The following DOK6 variants were observed in gnomAD, a reference collection of about 807,000 sequenced individuals.
DOK6 encodes the protein docking protein 6, also known as downstream of tyrosine kinase 6.
A neutral mutation model predicts 44.0 loss-of-function variants in DOK6; 22 were observed. The ratio of observed to expected loss-of-function variants is 0.50; its 90% CI spans 0.36 to 0.71. DOK6 has a LOEUF of 0.71. DOK6 is among the 30% of genes least tolerant of loss of function. DOK6 has a pLI of 0.00. For synonymous variants in DOK6, 166 were observed against 145.5 expected (o/e 1.14, Z -1.01); for missense variants, 340 against 416.4 (o/e 0.82, Z 1.60).
At chr18:69,419,495 A>G (rs913621344) in intron 1 of DOK6, among the ~76,000 whole-genome samples, 2 of 152,180 alleles carry the variant, frequency 1.3e-5, no homozygotes, top group African/African-American at 4.8e-5. Context: ...TAGCACCTAA[A>G]GAAATAGCAC....
chr18:69,517,651 C>T (rs751030717), intron 1 of DOK6, among the ~76,000 whole-genome samples: 5 of 150,036 alleles, frequency 3.3e-5, no homozygotes, highest in African/African-American at 7.3e-5. Flanking sequence ...GACCCTGTCT[C>T]TAATTCTTAG....
chr18:69,567,935 C>T (rs1226422425), intron 2 of DOK6, among the ~76,000 whole-genome samples: 1 of 152,228 alleles, frequency 6.6e-6, no homozygotes, highest in African/African-American at 2.4e-5. Context: ...GCTGCTGTGG[C>T]TCCTGCCGCT....
intron 7 of DOK6, among the ~76,000 whole-genome samples, chr18:69,762,293 A>C (rs1979585952): frequency 6.6e-6 from 1 of 152,190 alleles, no homozygotes; most frequent in African/African-American, 2.4e-5. Flanking sequence ...GTGAGCCATG[A>C]TCACACCACT....
At chr18:69,438,289 G>A (rs1466023237) in intron 1 of DOK6, among the ~76,000 whole-genome samples, 1 of 152,182 alleles carries the variant, frequency 6.6e-6, no homozygotes, top group South Asian at 2.1e-4. Flanking sequence ...TGCCAACCAT[G>A]TTCACAGCAT....
chr18:69,635,323 C>T (rs1984780603), intron 3 of DOK6, among the ~76,000 whole-genome samples: 1 of 152,058 alleles, frequency 6.6e-6, no homozygotes, highest in Admixed American at 6.6e-5. Flanking sequence ...AGTTTTGTGG[C>T]ATTTTACAAG....
At chr18:69,742,005 CT>C (rs763483088) in intron 6 of DOK6, among the ~76,000 whole-genome samples, 5 of 152,144 alleles carry the variant, frequency 3.3e-5, no homozygotes, top group Non-Finnish European at 7.3e-5. Flanking sequence ...TTATTTTGCC[CT>C]TGTTTATAAC....
At chr18:69,756,656 C>G (rs1979365107) in intron 6 of DOK6, among the ~76,000 whole-genome samples, 1 of 152,164 alleles carries the variant, frequency 6.6e-6, no homozygotes, top group Non-Finnish European at 1.5e-5. Context: ...CTGATAGCAT[C>G]TTCTATGAAG....
rs557078194 is a variant in DOK6 at position 69,519,606 on chromosome 18, A to G, written c.67-44881A>G. ...TTCCATAATTATTAGAAACATATAA[A>G]TACAATCAACCTGGAAGAATATACT... On this transcript the variant is annotated intron_variant, in intron 1 of 7. Transcript: ENST00000382713. 3.9e-5 allele frequency among the ~76,000 whole-genome samples: 6 copies of G among 152,088 alleles called. No individual in the cohort carries two copies. The South Asian group carries it at 1.2e-3, about 31-fold the overall frequency.
At chr18:69,673,910 C>T (rs1042203347) in intron 3 of DOK6, among the ~76,000 whole-genome samples, 2 of 152,152 alleles carry the variant, frequency 1.3e-5, no homozygotes, top group African/African-American at 4.8e-5. Context: ...TAATTATTTA[C>T]ACATTATGTG....
intron 1 of DOK6, among the ~76,000 whole-genome samples, chr18:69,495,128 T>A (rs1470990113): frequency 6.6e-6 from 1 of 152,216 alleles, no homozygotes; most frequent in Non-Finnish European, 1.5e-5. Context: ...TGGACCAGGT[T>A]CACCACAGGC....
At chr18:69,429,616 G>GATAT (rs1978740354) in intron 1 of DOK6, among the ~76,000 whole-genome samples, 5 of 78,156 alleles carry the variant, frequency 6.4e-5, no homozygotes, top group Admixed American at 1.3e-4. Flanking sequence ...AATATTGAGG[G>GATAT]ATACATATAT....
intron 7 of DOK6, among the ~76,000 whole-genome samples, chr18:69,839,159 C>T (rs1380377973): frequency 6.7e-6 from 1 of 148,286 alleles, no homozygotes; most frequent in Non-Finnish European, 1.5e-5. Context: ...CTCTTCCCCA[C>T]TCTCCCTAAC....
At chr18:69,416,182 GAAGGAAGGAAC>G (rs1313246723) in intron 1 of DOK6, among the ~76,000 whole-genome samples, 12 of 2,414 alleles carry the variant, frequency 5.0e-3, no homozygotes, top group Admixed American at 8.9e-3. Context: ...AGGAAGGAAC[GAAGGAAGGAAC>G]GAAGGAAGGA....
Position 69,773,827 on chromosome 18 carries a change from A to G in DOK6, c.856+15954A>G, listed in dbSNP as rs183403373. ...AAGACTCTTGGTGGGAATGTAAACT[A>G]ATACAACCACTATGGAAAACAGTCT... On this transcript the variant is annotated intron_variant, in intron 7 of 7. Coordinates refer to ENST00000382713, the MANE Select transcript of DOK6 (RefSeq NM_152721.6). Among the ~76,000 whole-genome samples the G allele has an allele frequency of 1.4e-4, 21 of 151,902 alleles. No homozygotes were observed. In the East Asian group the frequency reaches 4.1e-3, roughly 30 times the overall value.
At chr18:69,603,118 G>A (rs1260247832) in intron 3 of DOK6, among the ~76,000 whole-genome samples, 1 of 152,198 alleles carries the variant, frequency 6.6e-6, no homozygotes, top group East Asian at 1.9e-4. Flanking sequence ...CCTACCACAT[G>A]TTCTTTTAGC....
rs1048025749 is a variant in DOK6, at chr18:69,470,472, G to A, written c.66+69162G>A. Among the ~76,000 whole-genome samples the A allele has an allele frequency of 3.9e-5, 6 of 152,080 alleles. No individual in the cohort carries two copies. In the East Asian group the frequency reaches 5.8e-4, roughly 15 times the overall value. Reference sequence around the variant, plus strand: ...GTGGGAACCAAACACCTTCAGTGCCGGTGGCCCCCAGGCGCACCTGTTTAG... The same window carrying A: ...GTGGGAACCAAACACCTTCAGTGCCAGTGGCCCCCAGGCGCACCTGTTTAG... On this transcript the variant is annotated intron_variant, in intron 1 of 7. Coordinates refer to ENST00000382713, the MANE Select transcript of DOK6 (RefSeq NM_152721.6).
At chr18:69,577,383 A>G (rs1983263622) in intron 2 of DOK6, among the ~76,000 whole-genome samples, 2 of 152,108 alleles carry the variant, frequency 1.3e-5, no homozygotes, top group Non-Finnish European at 2.9e-5. Flanking sequence ...TCCCAAAGTG[A>G]TCATGATTTG....
At chr18:69,509,663 A>AC (rs1981309991) in intron 1 of DOK6, among the ~76,000 whole-genome samples, 2 of 115,490 alleles carry the variant, frequency 1.7e-5, no homozygotes, top group African/African-American at 2.8e-5. Flanking sequence ...AAAAAAAAAA[A>AC]CACACAAGTC....
chr18:69,765,933 T>G (rs923474358), intron 7 of DOK6, among the ~76,000 whole-genome samples: 1 of 152,140 alleles, frequency 6.6e-6, no homozygotes, highest in Non-Finnish European at 1.5e-5. Flanking sequence ...AGTTGACCCT[T>G]GAACAACATG....
Sources: allele counts gnomAD v4.1 joint callset (sites outside exome capture counted in the v4.1 genomes callset), GRCh38; gene constraint gnomAD v4.1.1; transcripts MANE v1.5; gene names NCBI Gene and HGNC (gene_info 2026-07-23, HGNC 2026-07-21).